LIN28B: variants seen among roughly 807,000 people sequenced by gnomAD.
The protein encoded by LIN28B is protein lin-28 homolog B.
LIN28B carries 5 observed loss-of-function variants against 21.9 expected under a neutral mutation model. The observed-to-expected ratio is 0.23, with a 90% CI of 0.12 to 0.48. The LOEUF (loss-of-function observed/expected upper bound fraction) is 0.48. Ranked by LOEUF, LIN28B falls within the 20% of genes least tolerant of loss-of-function variation. The pLI, the probability that LIN28B is intolerant of heterozygous loss-of-function variation, is 0.98. For missense variants in LIN28B, 245 were observed against 310.5 expected, an observed-to-expected ratio of 0.79 and a Z score of 1.58; for synonymous variants, 109 against 111.3, an observed-to-expected ratio of 0.98 and a Z score of 0.13.
chr6:105,002,167 T>A (rs906579680), intron 2 of LIN28B, among the ~76,000 whole-genome samples: 2 of 120,442 alleles, frequency 1.7e-5, no homozygotes, highest in African/African-American at 7.9e-5. Context: ...TTCTCTGGTA[T>A]TTTTTTTTTT....
chr6:105,011,365 A>AT (rs918655090), intron 2 of LIN28B, among the ~76,000 whole-genome samples: 2 of 152,148 alleles, frequency 1.3e-5, no homozygotes, highest in African/African-American at 2.4e-5. Context: ...TAATTTTTGT[A>AT]TTTTTTGTAG....
intron 3 of LIN28B, among the ~76,000 whole-genome samples, chr6:105,032,448 C>T (rs1016006382): frequency 2.6e-5 from 4 of 152,056 alleles, no homozygotes; most frequent in South Asian, 2.1e-4. Flanking sequence ...ATTTTGGCCC[C>T]GTGTGGTGGC....
chr6:105,057,082 T>A (rs1255449846), intron 3 of LIN28B, among the ~76,000 whole-genome samples: 1 of 152,210 alleles, frequency 6.6e-6, no homozygotes, highest in Non-Finnish European at 1.5e-5. Flanking sequence ...ATTCATAACT[T>A]TTTTTGTAAT....
intron 2 of LIN28B, among the ~76,000 whole-genome samples, chr6:104,994,392 T>G (rs1217847256): frequency 6.6e-6 from 1 of 152,232 alleles, no homozygotes; most frequent in Non-Finnish European, 1.5e-5. Flanking sequence ...AGCAAATCAG[T>G]TATTTAACTT....
chr6:105,008,333 C>A (rs1391780277), intron 2 of LIN28B, among the ~76,000 whole-genome samples: 7 of 152,124 alleles, frequency 4.6e-5, no homozygotes, highest in Admixed American at 4.6e-4. Flanking sequence ...TATGTTCAGA[C>A]AATTTTTATT....
chr6:105,015,086 T>C (rs1771001489), intron 2 of LIN28B, among the ~76,000 whole-genome samples: 1 of 152,132 alleles, frequency 6.6e-6, no homozygotes, highest in Non-Finnish European at 1.5e-5. Flanking sequence ...AATGAATTTT[T>C]CCCCCAGTTG....
intron 2 of LIN28B, among the ~76,000 whole-genome samples, chr6:104,948,459 C>A (rs1404394151): frequency 3.9e-5 from 6 of 152,038 alleles, no homozygotes; most frequent in Non-Finnish European, 7.4e-5. Context: ...AAGAGCAAAA[C>A]TCCGTCTAAA....
chr6:104,943,337 T>A (rs961278690), intron 2 of LIN28B, among the ~76,000 whole-genome samples: 1 of 152,128 alleles, frequency 6.6e-6, no homozygotes, highest in African/African-American at 2.4e-5. Context: ...CTGTCATAAT[T>A]TACAAATCAT....
intron 2 of LIN28B, among the ~76,000 whole-genome samples, chr6:105,001,835 A>T (rs1420092095): frequency 6.6e-6 from 1 of 152,228 alleles, no homozygotes; most frequent in Non-Finnish European, 1.5e-5. Flanking sequence ...AAAAAACTCG[A>T]TCTCTAGCTG....
At chr6:104,960,799 AAT>A (rs1367586643) in intron 2 of LIN28B, among the ~76,000 whole-genome samples, 2 of 152,134 alleles carry the variant, frequency 1.3e-5, no homozygotes, top group Non-Finnish European at 2.9e-5. Flanking sequence ...AAATAAAGAG[AAT>A]ATATATATGT....
At chr6:104,938,782 C>G (rs937693293) in intron 2 of LIN28B, among the ~76,000 whole-genome samples, 2 of 152,116 alleles carry the variant, frequency 1.3e-5, no homozygotes, top group Non-Finnish European at 2.9e-5. Flanking sequence ...TGTTCATCAT[C>G]GCCCCTTTCG....
chr6:105,064,605 A>G (rs1207272459), intron 3 of LIN28B, among the ~76,000 whole-genome samples: 2 of 152,162 alleles, frequency 1.3e-5, no homozygotes, highest in South Asian at 2.1e-4. Context: ...TTACATTCAG[A>G]GTGGTAAATA....
chr6:105,009,903 A>G (rs531938583), intron 2 of LIN28B, among the ~76,000 whole-genome samples: 4 of 152,114 alleles, frequency 2.6e-5, no homozygotes, highest in Non-Finnish European at 5.9e-5. Flanking sequence ...CAAAGTTCTT[A>G]TACTCATTTA....
intron 2 of LIN28B, among the ~76,000 whole-genome samples, chr6:105,025,345 G>C (rs1324416224): frequency 6.6e-6 from 1 of 152,116 alleles, no homozygotes; most frequent in Non-Finnish European, 1.5e-5. Context: ...AGTATATTTT[G>C]AACTGGCACA....
At chr6:104,958,357 T>C (rs1481187984) in intron 2 of LIN28B, 71 bp downstream of exon 2, 5 of 1,201,806 alleles carry the variant, frequency 4.2e-6, no homozygotes, top group Admixed American at 2.0e-5. Flanking sequence ...GTTATGCCAA[T>C]AGACGTACGA....
At position 104,963,939 on chromosome 6, in the gene LIN28B, ACTTAT is replaced by A. The variant is rs1769805094; in HGVS notation, c.198+5658_198+5662del. On this transcript the variant is annotated intron_variant, in intron 2 of 3. Transcript: ENST00000345080. ...TGTAACCTTTTAAAGCATGTCTTTA[ACTTAT>A]CTTAGAGTTCTTAGGTTTCATGAGA... is the stretch of plus-strand genomic sequence containing the variant. Among the ~76,000 whole-genome samples, 4 of 152,286 alleles carry A rather than the reference ACTTAT, an allele frequency of 2.6e-5. No homozygotes were observed. The South Asian group carries it at 8.3e-4, about 32-fold the overall frequency.
intron 3 of LIN28B, among the ~76,000 whole-genome samples, chr6:105,064,856 G>A (rs1772191213): frequency 6.6e-6 from 1 of 152,138 alleles, no homozygotes. Flanking sequence ...GCCAAATCTA[G>A]AGGGTGACCA....
At chr6:105,024,545 T>C (rs80017355) in intron 2 of LIN28B, among the ~76,000 whole-genome samples, 1 of 152,186 alleles carries the variant, frequency 6.6e-6, no homozygotes, top group Non-Finnish European at 1.5e-5. Context: ...ATAGCTTTAA[T>C]AATAATACTT....
chr6:104,958,026 T>A, intron 1 of LIN28B, 73 bp from the exon 2 acceptor site: 10 of 504,100 alleles, frequency 2.0e-5, no homozygotes, highest in Non-Finnish European at 2.3e-5. Context: ...AGGCAGGCAA[T>A]TTTTTTTTTT....
Sources: allele counts gnomAD v4.1 joint callset (sites outside exome capture counted in the v4.1 genomes callset), GRCh38; gene constraint gnomAD v4.1.1; transcripts MANE v1.5; gene names NCBI Gene and HGNC (gene_info 2026-07-23, HGNC 2026-07-21).